Variants in REPS1 observed in about 807,000 individuals in gnomAD.
REPS1 encodes RALBP1 associated Eps domain containing 1.
Under a neutral mutation model 100.9 loss-of-function variants are expected in REPS1, and 39 were observed. That is an observed-to-expected ratio of 0.39 (90% CI 0.30 to 0.50). The LOEUF is 0.50. REPS1 is among the 20% of genes least tolerant of loss of function. REPS1 has a pLI of 0.86. For missense variants in REPS1, 821 were observed against 968.5 expected, an observed-to-expected ratio of 0.85 and a Z score of 2.02; for synonymous variants, 324 against 340.3, an observed-to-expected ratio of 0.95 and a Z score of 0.53.
chr6:138,915,504 G>C (rs955000505), intron 14 of REPS1, among the ~76,000 whole-genome samples: 2 of 149,108 alleles, frequency 1.3e-5, no homozygotes, highest in African/African-American at 5.0e-5. Context: ...CCAGGCTGGA[G>C]TGCAGTGATG....
intron 9 of REPS1, chr6:138,929,689 A>G (rs1193346082): frequency 8.1e-6 from 2 of 247,366 alleles, no homozygotes; most frequent in African/African-American, 4.5e-5. Context: ...CTCACTGGAT[A>G]TGAGATCTTG....
At chr6:138,965,633 C>T (rs1185859724) in intron 1 of REPS1, among the ~76,000 whole-genome samples, 1 of 152,130 alleles carries the variant, frequency 6.6e-6, no homozygotes, top group Non-Finnish European at 1.5e-5. Context: ...AAACAAGAGG[C>T]ATAAACCAGG....
In REPS1 at chr6:138,944,479, T is replaced by C; in HGVS notation, c.753+19A>G. The C allele has an allele frequency of 1.2e-6, 2 of 1,609,298 alleles. No individual in the cohort carries two copies. The highest frequency in any genetic ancestry group is 1.7e-6 in the Non-Finnish European group (2 of 1,177,598). On this transcript the variant is annotated intron_variant, in intron 5 of 19. Transcript: ENST00000450536. ...CTGAATGAAGCAAATAAAAATGCAA[T>C]ACCAATAAAATGTCACACCTGGACA...
At chr6:138,960,498 GA>G (rs913526252) in intron 1 of REPS1, among the ~76,000 whole-genome samples, 37 of 145,446 alleles carry the variant, frequency 2.5e-4, no homozygotes, top group East Asian at 4.0e-4. Flanking sequence ...TTCCAAAACT[GA>G]AAAAAAAAAA....
At chr6:138,979,713 T>C (rs1306534174) in intron 1 of REPS1, among the ~76,000 whole-genome samples, 1 of 152,228 alleles carries the variant, frequency 6.6e-6, no homozygotes, top group Non-Finnish European at 1.5e-5. Flanking sequence ...TCCCAATTTG[T>C]ACCACTCTGA....
At chr6:138,951,501 A>G (rs1783037403) in intron 1 of REPS1, among the ~76,000 whole-genome samples, 1 of 152,292 alleles carries the variant, frequency 6.6e-6, no homozygotes, top group African/African-American at 2.4e-5. Context: ...TTCAAATAAT[A>G]TTTATAAAAT....
chr6:138,907,327 T>C (rs1191712594), intron 19 of REPS1, 168 bp downstream of exon 19: 1 of 464,438 alleles, frequency 2.2e-6, no homozygotes, highest in East Asian at 3.5e-5. Flanking sequence ...TGTGTGTGTG[T>C]GTGTGTGTGT....
At chr6:138,918,878 TA>T (rs1328988982) in intron 12 of REPS1, among the ~76,000 whole-genome samples, 1 of 152,190 alleles carries the variant, frequency 6.6e-6, no homozygotes. Flanking sequence ...ATAGAAACTC[TA>T]GAGACAATCT....
chr6:138,944,253 C>T (rs1782461630), intron 5 of REPS1, among the ~76,000 whole-genome samples: 1 of 152,106 alleles, frequency 6.6e-6, no homozygotes, highest in Non-Finnish European at 1.5e-5. Flanking sequence ...GCTAAGAAAG[C>T]CAAGCAAATA....
intron 1 of REPS1, among the ~76,000 whole-genome samples, chr6:138,983,994 C>T (rs1218993848): frequency 2.0e-5 from 3 of 152,142 alleles, no homozygotes; most frequent in African/African-American, 7.2e-5. Flanking sequence ...TAATCCTTGC[C>T]CCACTGTATT....
chr6:138,971,095 G>A (rs1207014338), intron 1 of REPS1, among the ~76,000 whole-genome samples: 1 of 152,220 alleles, frequency 6.6e-6, no homozygotes, highest in Non-Finnish European at 1.5e-5. Context: ...AGAGGGAAAT[G>A]TACTTAGGGA....
chr6:138,928,531 A>T (rs1781285308), intron 9 of REPS1: 2 of 152,182 alleles, frequency 1.3e-5, no homozygotes, highest in Non-Finnish European at 2.9e-5. Flanking sequence ...CTCATTACCA[A>T]ATACTATAAA....
At chr6:138,911,109 A>G (rs979105661) in intron 17 of REPS1, 167 bp downstream of exon 17, 2 of 556,626 alleles carry the variant, frequency 3.6e-6, no homozygotes, top group African/African-American at 1.9e-5. Context: ...AGATTACAGA[A>G]TATCATCTCC....
intron 1 of REPS1, among the ~76,000 whole-genome samples, chr6:138,971,872 A>G (rs1407928186): frequency 6.6e-6 from 1 of 152,186 alleles, no homozygotes; most frequent in African/African-American, 2.4e-5. Flanking sequence ...TCATCATCCC[A>G]ATCACGTCTA....
At chr6:138,920,966 A>C in intron 11 of REPS1, 71 bp downstream of exon 11, 1 of 1,099,158 alleles carries the variant, frequency 9.1e-7, no homozygotes, top group Non-Finnish European at 1.4e-6. Context: ...AGAAATTTGA[A>C]CCTTGACAGA....
At chr6:138,912,685 T>C in intron 16 of REPS1, 80 bp downstream of exon 16, 1 of 1,345,604 alleles carries the variant, frequency 7.4e-7, no homozygotes, top group Non-Finnish European at 1.1e-6. Context: ...TGATGTCCCC[T>C]CTAATATCTG....
At chr6:138,940,524 A>C (rs966498071) in intron 8 of REPS1, among the ~76,000 whole-genome samples, 1 of 152,150 alleles carries the variant, frequency 6.6e-6, no homozygotes, top group African/African-American at 2.4e-5. Flanking sequence ...AGGCGGGCAG[A>C]TCATGAGGTC....
chr6:138,919,334 C>T (rs1010703528), intron 12 of REPS1, among the ~76,000 whole-genome samples: 1 of 152,226 alleles, frequency 6.6e-6, no homozygotes, highest in African/African-American at 2.4e-5. Context: ...GCCTGATTAC[C>T]GCTATCTCCT....
rs1188863 is a variant in REPS1, at chr6:138,913,218, A to C, written c.1786-268T>G. 0.59 allele frequency among the ~76,000 whole-genome samples: 90,068 copies of C among 151,982 alleles called. 27,081 individuals are homozygous for C. The highest frequency in any genetic ancestry group is 0.64 in the Non-Finnish European group (43,811 of 67,950). ...AAAACTGTATTGCAAAGAAAGTACAATGAAGGAGAGGGTAGGTCTGGCCCT... is the reference window on the plus strand; with the variant it reads ...AAAACTGTATTGCAAAGAAAGTACACTGAAGGAGAGGGTAGGTCTGGCCCT... On this transcript the variant is annotated intron_variant, in intron 15 of 19. Transcript: ENST00000450536.
Sources: gnomAD v4.1 joint callset for allele counts (sites outside exome capture counted in the v4.1 genomes callset) on GRCh38, gnomAD v4.1.1 for gene constraint, MANE v1.5 for transcripts, NCBI Gene and HGNC (gene_info 2026-07-23, HGNC 2026-07-21) for gene names.